KIDINS220: variants seen among roughly 807,000 people sequenced by gnomAD.
The protein encoded by KIDINS220 is kinase D interacting substrate 220.
KIDINS220 carries 63 observed loss-of-function variants against 157.6 expected under a neutral mutation model. That is an observed-to-expected ratio of 0.40 (90% CI 0.33 to 0.49). The LOEUF (loss-of-function observed/expected upper bound fraction) is 0.49. Ranked by LOEUF, KIDINS220 falls within the 20% of genes least tolerant of loss-of-function variation. KIDINS220 has a pLI of 0.66. For missense variants in KIDINS220, 1,772 were observed against 2,171.2 expected, an observed-to-expected ratio of 0.82 and a Z score of 3.65; for synonymous variants, 732 against 783.6, an observed-to-expected ratio of 0.93 and a Z score of 1.10.
chr2:8,727,052 T>G, downstream of KIDINS220: 2 of 986,658 alleles, frequency 2.0e-6, no homozygotes, highest in Admixed American at 2.6e-5. Context: ...AACTATCCAG[T>G]GCTGGCTGTT....
intron 17 of KIDINS220, among the ~76,000 whole-genome samples, chr2:8,781,182 A>G (rs913606377): frequency 6.3e-5 from 7 of 111,344 alleles, no homozygotes; most frequent in African/African-American, 1.7e-4. Flanking sequence ...GGGGCATTAC[A>G]TAACAACAAA....
intron 22 of KIDINS220, among the ~76,000 whole-genome samples, chr2:8,765,593 ATAAC>A (rs1669374411): frequency 6.6e-6 from 1 of 152,258 alleles, no homozygotes; most frequent in South Asian, 2.1e-4. Flanking sequence ...GATGTTTAGA[ATAAC>A]TAATTTTCTT....
At chr2:8,822,141 A>G (rs1434673460) in intron 2 of KIDINS220, among the ~76,000 whole-genome samples, 1 of 152,216 alleles carries the variant, frequency 6.6e-6, no homozygotes, top group Non-Finnish European at 1.5e-5. Flanking sequence ...CAATGCAAAA[A>G]CAACTACTAT....
Position 8,737,908 on chromosome 2 carries a change from C to A in KIDINS220, c.3586-909G>T, listed in dbSNP as rs567484696. On this transcript the variant is annotated intron_variant, in intron 26 of 29. Coordinates refer to ENST00000256707, the MANE Select transcript of KIDINS220 (RefSeq NM_020738.4). ...CTTCCTATTTTCCTTTTTCCAACTT[C>A]TTTCACTTAACATAATGTTTTCAAG... Among the ~76,000 whole-genome samples, 7 of 152,310 alleles carry A rather than the reference C, an allele frequency of 4.6e-5. No individual in the cohort carries two copies. The South Asian group carries it at 1.0e-3, about 23-fold the overall frequency.
intron 17 of KIDINS220, among the ~76,000 whole-genome samples, chr2:8,783,121 C>T (rs113294953): frequency 0.12 from 18,646 of 149,996 alleles, 1,219 homozygotes; most frequent in Middle Eastern, 0.22. Context: ...CACTTGAACC[C>T]GTAAGGTGGA....
intron 22 of KIDINS220, among the ~76,000 whole-genome samples, chr2:8,756,629 C>T (rs1386417769): frequency 1.1e-4 from 17 of 152,198 alleles, no homozygotes; most frequent in African/African-American, 4.1e-4. Flanking sequence ...CTGGTAAGGG[C>T]CTTCTTTTTG....
intron 1 of KIDINS220, among the ~76,000 whole-genome samples, chr2:8,831,373 T>TC (rs1351634680): frequency 6.8e-6 from 1 of 147,178 alleles, no homozygotes; most frequent in East Asian, 2.2e-4. Context: ...GCCAGACTGA[T>TC]CTACTTGCAG....
At chr2:8,791,382 C>T (rs1405411277) in intron 12 of KIDINS220, among the ~76,000 whole-genome samples, 158 bp from the exon 13 acceptor site, 1 of 152,186 alleles carries the variant, frequency 6.6e-6, no homozygotes, top group African/African-American at 2.4e-5. Flanking sequence ...CCTATTCTGA[C>T]TTGGAAGGCT....
chr2:8,769,954 A>AC (rs1330204062), intron 22 of KIDINS220, among the ~76,000 whole-genome samples: 1 of 152,228 alleles, frequency 6.6e-6, no homozygotes, highest in Admixed American at 6.5e-5. Flanking sequence ...AAATCTGTGG[A>AC]CTAATACAAC....
chr2:8,738,694 G>T (rs1665219982), intron 26 of KIDINS220, among the ~76,000 whole-genome samples: 4 of 152,202 alleles, frequency 2.6e-5, no homozygotes, highest in Non-Finnish European at 5.9e-5. Flanking sequence ...GATAAGGAAA[G>T]ACCAAGAAAC....
downstream of KIDINS220, among the ~76,000 whole-genome samples, chr2:8,728,011 C>T (rs1663517546): frequency 6.6e-6 from 1 of 152,152 alleles, no homozygotes; most frequent in Non-Finnish European, 1.5e-5. Flanking sequence ...ATTATCAGAA[C>T]TATCTGTGGC....
downstream of KIDINS220, among the ~76,000 whole-genome samples, chr2:8,728,106 G>A (rs1161664374): frequency 6.6e-6 from 1 of 152,214 alleles, no homozygotes; most frequent in Admixed American, 6.5e-5. Context: ...CCTTTGGGAG[G>A]CCGAGGAGGG....
At chr2:8,763,127 T>C (rs1668997001) in intron 22 of KIDINS220, among the ~76,000 whole-genome samples, 1 of 152,202 alleles carries the variant, frequency 6.6e-6, no homozygotes, top group African/African-American at 2.4e-5. Flanking sequence ...GAAATTAAAA[T>C]ATTTAGTTCT....
intron 8 of KIDINS220, 111 bp downstream of exon 8, chr2:8,802,819 A>G: frequency 5.1e-6 from 4 of 789,870 alleles, no homozygotes; most frequent in Non-Finnish European, 4.0e-6. Context: ...AAATAAACTT[A>G]TTTTAAAACA....
chr2:8,758,633 T>C (rs1431287867), intron 22 of KIDINS220, among the ~76,000 whole-genome samples: 1 of 152,166 alleles, frequency 6.6e-6, no homozygotes, highest in Non-Finnish European at 1.5e-5. Flanking sequence ...TTTTTCTAGC[T>C]CCTCGAGGTG....
At chr2:8,774,677 C>G (rs553133915) in intron 21 of KIDINS220, among the ~76,000 whole-genome samples, 2 of 152,110 alleles carry the variant, frequency 1.3e-5, no homozygotes, top group African/African-American at 2.4e-5. Context: ...TTTCAAGGAA[C>G]AGCAAAGAAG....
chr2:8,748,927 T>C (rs1338176687), intron 24 of KIDINS220, among the ~76,000 whole-genome samples: 1 of 152,208 alleles, frequency 6.6e-6, no homozygotes, highest in African/African-American at 2.4e-5. Flanking sequence ...TTTTTTAAAA[T>C]AAGCTTCTCA....
intron 7 of KIDINS220, among the ~76,000 whole-genome samples, chr2:8,805,197 C>A (rs1553332039): frequency 6.6e-6 from 1 of 152,210 alleles, no homozygotes; most frequent in Admixed American, 6.5e-5. Context: ...CCTCCCAGTA[C>A]GGGGATGTGT....
intron 21 of KIDINS220, among the ~76,000 whole-genome samples, chr2:8,773,479 T>C (rs1670511028): frequency 6.6e-6 from 1 of 151,016 alleles, no homozygotes; most frequent in South Asian, 2.1e-4. Flanking sequence ...ATTTTTTCTT[T>C]TTTTTTTTTT....
Sources: gnomAD v4.1 joint callset for allele counts (sites outside exome capture counted in the v4.1 genomes callset) on GRCh38, gnomAD v4.1.1 for gene constraint, MANE v1.5 for transcripts, NCBI Gene and HGNC (gene_info 2026-07-23, HGNC 2026-07-21) for gene names.